The following SEMA5A variants were observed in gnomAD, a reference collection of about 807,000 sequenced individuals.
SEMA5A encodes semaphorin 5A.
In SEMA5A, 55 loss-of-function variants were observed where a neutral mutation model predicts 135.5. The observed-to-expected ratio is 0.41, with a 90% confidence interval of 0.33 to 0.51. The LOEUF (loss-of-function observed/expected upper bound fraction) is 0.51. Ranked by LOEUF, SEMA5A falls within the 20% of genes least tolerant of loss-of-function variation. SEMA5A has a pLI of 0.37. For missense variants in SEMA5A, 1,290 were observed against 1,419.9 expected (o/e 0.91, Z 1.47); for synonymous variants, 580 against 546.5 (o/e 1.06, Z -0.85).
chr5:9,127,663 TTTTTTTGAAGG>T, intron 13 of SEMA5A, among the ~76,000 whole-genome samples: 1 of 152,290 alleles, frequency 6.6e-6, no homozygotes, highest in African/African-American at 2.4e-5. Flanking sequence ...GCATTTGTGA[TTTTTTTGAAGG>T]TTTATAAATC....
chr5:9,189,931 A>T (rs1745007033), intron 11 of SEMA5A, among the ~76,000 whole-genome samples: 1 of 152,244 alleles, frequency 6.6e-6, no homozygotes, highest in Admixed American at 6.5e-5. Context: ...ACCCAACAAC[A>T]TCTTCCAACA....
chr5:9,091,215 C>T (rs979244109), intron 16 of SEMA5A, among the ~76,000 whole-genome samples: 3 of 152,168 alleles, frequency 2.0e-5, no homozygotes, highest in Non-Finnish European at 2.9e-5. Context: ...GAAAAACTTA[C>T]AATGTCCATT....
intron 5 of SEMA5A, among the ~76,000 whole-genome samples, chr5:9,299,776 G>A (rs760463600): frequency 6.6e-6 from 1 of 152,110 alleles, no homozygotes; most frequent in African/African-American, 2.4e-5. Flanking sequence ...AATATTTTCA[G>A]GAAAACATAG....
intron 16 of SEMA5A, among the ~76,000 whole-genome samples, chr5:9,087,487 G>A (rs531560490): frequency 1.3e-5 from 2 of 151,768 alleles, no homozygotes; most frequent in East Asian, 1.9e-4. Flanking sequence ...ATAATTAAAT[G>A]GGCAAACTTC....
At chr5:9,514,883 TA>T in intron 1 of SEMA5A, among the ~76,000 whole-genome samples, 1 of 151,892 alleles carries the variant, frequency 6.6e-6, no homozygotes, top group Non-Finnish European at 1.5e-5. Context: ...CACTCAAACT[TA>T]ATCCTCAGCT....
At chr5:9,352,769 C>A (rs1462296160) in intron 3 of SEMA5A, among the ~76,000 whole-genome samples, 1 of 152,174 alleles carries the variant, frequency 6.6e-6, no homozygotes, top group Non-Finnish European at 1.5e-5. Flanking sequence ...TCTATCCCAT[C>A]ACCTGTTTTT....
At chr5:9,182,589 G>C (rs1442444690) in intron 11 of SEMA5A, among the ~76,000 whole-genome samples, 2 of 151,952 alleles carry the variant, frequency 1.3e-5, no homozygotes, top group Non-Finnish European at 2.9e-5. Flanking sequence ...GCTTCATTGA[G>C]GGTGACATCT....
At chr5:9,517,177 A>G (rs1178912832) in intron 1 of SEMA5A, 2 of 152,244 alleles carry the variant, frequency 1.3e-5, no homozygotes, top group Admixed American at 6.5e-5. Context: ...CCTTGTGGCC[A>G]CTACTGAACT....
chr5:9,515,914 A>G (rs1736485165), intron 1 of SEMA5A, among the ~76,000 whole-genome samples: 1 of 152,218 alleles, frequency 6.6e-6, no homozygotes. Context: ...CCACCCACGT[A>G]GCACCTCATA....
chr5:9,197,352 C>A, intron 9 of SEMA5A, 49 bp from the exon 10 acceptor site: 1 of 1,594,716 alleles, frequency 6.3e-7, no homozygotes, highest in Non-Finnish European at 8.5e-7. Flanking sequence ...TCGGCAGCAC[C>A]TGCTGACCTC....
chr5:9,444,216 A>C (rs1758345496), intron 1 of SEMA5A, among the ~76,000 whole-genome samples: 1 of 151,728 alleles, frequency 6.6e-6, no homozygotes, highest in South Asian at 2.1e-4. Flanking sequence ...ATTGGGGAAA[A>C]GGTGGTGTTT....
At chr5:9,083,141 G>A (rs974739723) in intron 16 of SEMA5A, among the ~76,000 whole-genome samples, 8 of 152,094 alleles carry the variant, frequency 5.3e-5, no homozygotes, top group Non-Finnish European at 7.4e-5. Flanking sequence ...TATGGTCAAC[G>A]TCCCTGTGAC....
intron 4 of SEMA5A, among the ~76,000 whole-genome samples, chr5:9,336,413 C>T (rs1203945212): frequency 6.6e-6 from 1 of 152,136 alleles, no homozygotes; most frequent in Non-Finnish European, 1.5e-5. Context: ...AGGAGGAGAA[C>T]ATCTGGAGGC....
chr5:9,500,895 A>C (rs1436583259), intron 1 of SEMA5A, among the ~76,000 whole-genome samples: 2 of 152,174 alleles, frequency 1.3e-5, no homozygotes, highest in African/African-American at 4.8e-5. Flanking sequence ...CACCTCTTCT[A>C]ATCTGGCGTT....
At chr5:9,366,279 C>T (rs1029773589) in intron 3 of SEMA5A, among the ~76,000 whole-genome samples, 9 of 152,098 alleles carry the variant, frequency 5.9e-5, no homozygotes, top group African/African-American at 2.2e-4. Context: ...GTCAAACCAT[C>T]ATTCAAATAA....
chr5:9,358,521 C>T lies in SEMA5A; in HGVS notation c.125-20709G>A, dbSNP rs1027137093. On this transcript the variant is annotated intron_variant, in intron 3 of 22. Transcript: ENST00000382496. ...TTGCCTCTCAGGTCCTATGCTGCAG[C>T]GTTCAATTTGTCTATTGACACATCC... Among the ~76,000 whole-genome samples the T allele has an allele frequency of 5.9e-5, 9 of 152,298 alleles. No homozygotes were observed. In the East Asian group the frequency reaches 9.7e-4, roughly 16 times the overall value.
intron 1 of SEMA5A, among the ~76,000 whole-genome samples, chr5:9,537,859 G>A (rs958843216): frequency 6.6e-6 from 1 of 152,222 alleles, no homozygotes; most frequent in Non-Finnish European, 1.5e-5. Context: ...GTGGAGAAAT[G>A]CATATGAGTG....
intron 5 of SEMA5A, among the ~76,000 whole-genome samples, chr5:9,308,596 T>C (rs1751981795): frequency 6.6e-6 from 1 of 152,140 alleles, no homozygotes. Context: ...CTAAAACCCA[T>C]ATTTGAATTT....
chr5:9,088,708 T>A (rs1257845355), intron 16 of SEMA5A, among the ~76,000 whole-genome samples: 2 of 144,682 alleles, frequency 1.4e-5, no homozygotes, highest in East Asian at 2.0e-4. Flanking sequence ...CAAATAGGAG[T>A]GTGGACACTC....
Sources: gnomAD v4.1 joint callset for allele counts (sites outside exome capture counted in the v4.1 genomes callset) on GRCh38, gnomAD v4.1.1 for gene constraint, MANE v1.5 for transcripts, NCBI Gene and HGNC (gene_info 2026-07-23, HGNC 2026-07-21) for gene names.